The following FHIT variants were observed in gnomAD, a reference collection of about 807,000 sequenced individuals.
FHIT encodes fragile histidine triad diadenosine triphosphatase.
Under a neutral mutation model 17.9 loss-of-function variants are expected in FHIT, and 19 were observed. The observed-to-expected ratio is 1.06, with a 90% CI of 0.74 to 1.56. FHIT has a LOEUF of 1.56. Ranked by LOEUF, FHIT falls within the 40% of genes most tolerant of loss-of-function variation. The pLI, the probability that FHIT is intolerant of heterozygous loss-of-function variation, is 0.00. For synonymous variants in FHIT, 81 were observed against 69.7 expected (o/e 1.16, Z -0.81); for missense variants, 248 against 189.2 (o/e 1.31, Z -1.82).
In FHIT at chr3:60,948,968, A is replaced by G. The variant is rs73100071; in HGVS notation, c.-111+93079T>C. On this transcript the variant is annotated intron_variant, in intron 3 of 9. Transcript: ENST00000492590. ...CACATAACAGAAAGCAGGGCATAAA[A>G]TATTCCCCATAAAAATTAACCTTAC... is the stretch of plus-strand genomic sequence containing the variant. Among the ~76,000 whole-genome samples the G allele has an allele frequency of 5.0e-3, 760 of 152,192 alleles. 3 individuals are homozygous for G. Among genetic ancestry groups the G allele is most frequent in the Middle Eastern group, 0.024 (7 of 294 alleles).
intron 5 of FHIT, among the ~76,000 whole-genome samples, chr3:60,107,651 G>A (rs535128974): frequency 6.6e-6 from 1 of 152,114 alleles, no homozygotes; most frequent in Non-Finnish European, 1.5e-5. Context: ...AACTGGACAG[G>A]CTTAAGTTCT....
At chr3:60,873,673 C>T (rs147511695) in intron 3 of FHIT, among the ~76,000 whole-genome samples, 3 of 152,274 alleles carry the variant, frequency 2.0e-5, no homozygotes, top group Admixed American at 6.5e-5. Context: ...CCACAGGAGA[C>T]TGAGAAAGCT....
chr3:60,970,172 T>C (rs1559876221), intron 3 of FHIT, among the ~76,000 whole-genome samples: 1 of 152,200 alleles, frequency 6.6e-6, no homozygotes, highest in Non-Finnish European at 1.5e-5. Context: ...TGAAGAGGTA[T>C]GGTAAAATCC....
chr3:60,835,007 T>G (rs1445566103), intron 3 of FHIT, among the ~76,000 whole-genome samples: 1 of 152,130 alleles, frequency 6.6e-6, no homozygotes, highest in African/African-American at 2.4e-5. Context: ...ATCTAAGAAC[T>G]CTTTCCCTAG....
At chr3:60,476,624 G>A (rs1309608122) in intron 5 of FHIT, among the ~76,000 whole-genome samples, 1 of 152,154 alleles carries the variant, frequency 6.6e-6, no homozygotes, top group Non-Finnish European at 1.5e-5. Context: ...TATTCAAGGA[G>A]AGGCTGCTCT....
At chr3:60,819,200 A>G (rs1245294875) in intron 4 of FHIT, among the ~76,000 whole-genome samples, 1 of 152,112 alleles carries the variant, frequency 6.6e-6, no homozygotes, top group Non-Finnish European at 1.5e-5. Context: ...CAAAATACTT[A>G]ACCTCCGTCC....
At position 59,933,536 on chromosome 3, in the gene FHIT, C is replaced by T. The variant is rs181590399; in HGVS notation, c.280-11122G>A. Among the ~76,000 whole-genome samples, 134 of 152,216 alleles carry T rather than the reference C, an allele frequency of 8.8e-4. 2 individuals are homozygous for T. The highest frequency in any genetic ancestry group is 3.0e-3 in the African/African-American group (124 of 41,524). On this transcript the variant is annotated intron_variant, in intron 7 of 9. Coordinates refer to ENST00000492590, the MANE Select transcript of FHIT (RefSeq NM_002012.4). ...AAATAAATTGTGCAAGCTCACCAAG[C>T]TGGCAAAAGTGGCCGAGTTAAGATT...
At chr3:60,861,942 CAAA>C (rs36022063) in intron 3 of FHIT, among the ~76,000 whole-genome samples, 2 of 80,094 alleles carry the variant, frequency 2.5e-5, no homozygotes, top group Admixed American at 1.4e-4. Context: ...GACTCGGTCT[CAAA>C]AAAAAAAAAA....
intron 3 of FHIT, among the ~76,000 whole-genome samples, chr3:60,877,075 G>C (rs995517987): frequency 6.6e-6 from 1 of 152,164 alleles, no homozygotes; most frequent in Non-Finnish European, 1.5e-5. Flanking sequence ...CTGGCACTAA[G>C]TCCAGCTGAG....
chr3:60,759,686 CT>C (rs2108050054), intron 4 of FHIT, among the ~76,000 whole-genome samples: 1 of 152,282 alleles, frequency 6.6e-6, no homozygotes, highest in South Asian at 2.1e-4. Flanking sequence ...AAGTGATCAA[CT>C]GTATCATGTA....
chr3:60,533,124 T>C (rs187401351), intron 5 of FHIT, among the ~76,000 whole-genome samples: 1 of 152,060 alleles, frequency 6.6e-6, no homozygotes, highest in Non-Finnish European at 1.5e-5. Context: ...TGCTTTTAGA[T>C]TTAACTCCCT....
At chr3:61,024,388 A>G (rs1476001438) in intron 3 of FHIT, among the ~76,000 whole-genome samples, 1 of 152,194 alleles carries the variant, frequency 6.6e-6, no homozygotes, top group Admixed American at 6.5e-5. Flanking sequence ...CTTCCACTCA[A>G]CACTAGAAAA....
At position 61,127,852 on chromosome 3, in the gene FHIT, AG is replaced by A. The variant is rs1381471929; in HGVS notation, c.-164+72764del. ...GCCACTGCACTCCAGTCTGGGCAACAGAGCAAGACTCTGTCTGAAAAAAAAA... is the reference window on the plus strand; with the variant it reads ...GCCACTGCACTCCAGTCTGGGCAACAAGCAAGACTCTGTCTGAAAAAAAAA... On this transcript the variant is annotated intron_variant, in intron 2 of 9. Coordinates refer to ENST00000492590, the MANE Select transcript of FHIT (RefSeq NM_002012.4). Among the ~76,000 whole-genome samples, 3 of 152,158 alleles carry A rather than the reference AG, an allele frequency of 2.0e-5. No individual in the cohort carries two copies. In the East Asian group the frequency reaches 5.8e-4, roughly 29 times the overall value.
At chr3:61,054,269 C>T (rs1157368499) in intron 2 of FHIT, among the ~76,000 whole-genome samples, 2 of 152,160 alleles carry the variant, frequency 1.3e-5, no homozygotes, top group African/African-American at 4.8e-5. Context: ...AATTCCCCAG[C>T]TCTGGGCTGA....
chr3:61,208,115 T>C (rs1026636603), intron 1 of FHIT, among the ~76,000 whole-genome samples: 8 of 152,198 alleles, frequency 5.3e-5, no homozygotes, highest in African/African-American at 1.4e-4. Flanking sequence ...TTCCATGTAA[T>C]TGAGTGGTTT....
intron 7 of FHIT, among the ~76,000 whole-genome samples, chr3:59,966,773 T>G (rs556587140): frequency 6.6e-6 from 1 of 152,174 alleles, no homozygotes; most frequent in Admixed American, 6.5e-5. Context: ...AAGGGGTGAC[T>G]GAATTTGAAG....
intron 5 of FHIT, among the ~76,000 whole-genome samples, chr3:60,444,035 T>C (rs2031131811): frequency 6.6e-6 from 1 of 152,038 alleles, no homozygotes. Flanking sequence ...GGGTGAAGGA[T>C]ATGAACAGAC....
chr3:60,402,788 C>T (rs910072357), intron 5 of FHIT, among the ~76,000 whole-genome samples: 1 of 152,152 alleles, frequency 6.6e-6, no homozygotes, highest in African/African-American at 2.4e-5. Context: ...TTGGGAATAT[C>T]AGTCACTGTA....
chr3:60,091,367 C>T (rs1223294868), intron 5 of FHIT, among the ~76,000 whole-genome samples: 2 of 152,116 alleles, frequency 1.3e-5, no homozygotes, highest in African/African-American at 2.4e-5. Context: ...GAGTTGTAAG[C>T]GAAATGTCGC....
Sources: allele counts gnomAD v4.1 joint callset (sites outside exome capture counted in the v4.1 genomes callset), GRCh38; gene constraint gnomAD v4.1.1; transcripts MANE v1.5; gene names NCBI Gene and HGNC (gene_info 2026-07-23, HGNC 2026-07-21).